The following MAML3 variants were observed in gnomAD, a reference collection of about 807,000 sequenced individuals.
MAML3 encodes the protein mastermind like transcriptional coactivator 3, also known as mastermind-like protein 3.
Under a neutral mutation model 101.9 loss-of-function variants are expected in MAML3, and 27 were observed. The observed-to-expected ratio is 0.27, with a 90% confidence interval of 0.20 to 0.37. The LOEUF (loss-of-function observed/expected upper bound fraction) is 0.37, where lower values mean the gene tolerates loss of function less well. Among genes scored for constraint, MAML3 ranks in the 10% least tolerant of loss-of-function variants. The pLI, the probability that MAML3 is intolerant of heterozygous loss-of-function variation, is 1.00. For missense variants in MAML3, 1,316 were observed against 1,444.9 expected (o/e 0.91, Z 1.45); for synonymous variants, 501 against 555.9 (o/e 0.90, Z 1.39).
At chr4:139,820,155 A>G (rs1730951106) in intron 2 of MAML3, among the ~76,000 whole-genome samples, 1 of 152,250 alleles carries the variant, frequency 6.6e-6, no homozygotes, top group Non-Finnish European at 1.5e-5. Context: ...AGGTTTGTCA[A>G]TTGACCAACC....
In MAML3 at chr4:139,771,966, G is replaced by A. The variant is rs548421911; in HGVS notation, c.2080-41299C>T. Among the ~76,000 whole-genome samples the A allele has an allele frequency of 4.9e-3, 741 of 150,228 alleles. 4 individuals carry two copies. The highest frequency in any genetic ancestry group is 0.016 in the African/African-American group (665 of 40,952). ...AGTAAAAAAAAAAAAAAGTCCGGGC[G>A]CGGTGGCTCACGCCTGTAATCCCAG... On this transcript the variant is annotated intron_variant, in intron 2 of 4. Transcript: ENST00000509479.
chr4:139,998,843 C>T (rs1404059143), intron 1 of MAML3, among the ~76,000 whole-genome samples: 8 of 151,822 alleles, frequency 5.3e-5, no homozygotes, highest in Non-Finnish European at 1.2e-4. Context: ...AAAAAAAAAA[C>T]TCTTCTTTTC....
At chr4:140,119,718 C>T (rs1315636377) in intron 1 of MAML3, among the ~76,000 whole-genome samples, 3 of 151,576 alleles carry the variant, frequency 2.0e-5, no homozygotes, top group African/African-American at 7.3e-5. Flanking sequence ...AACTGCTGGG[C>T]TCAAGGGATC....
chr4:139,929,893 T>C (rs1733345431), intron 1 of MAML3, among the ~76,000 whole-genome samples: 1 of 152,194 alleles, frequency 6.6e-6, no homozygotes, highest in Non-Finnish European at 1.5e-5. Context: ...GGAAGGAGTT[T>C]GGAACTGCAG....
chr4:139,894,865 A>T (rs13133152), intron 1 of MAML3, among the ~76,000 whole-genome samples: 96,993 of 152,182 alleles, frequency 0.64, 34,396 homozygotes, highest in Non-Finnish European at 0.81. Flanking sequence ...CATAGCAGCA[A>T]GATCAAATAT....
At chr4:139,784,269 C>T (rs1310775340) in intron 2 of MAML3, among the ~76,000 whole-genome samples, 1 of 152,208 alleles carries the variant, frequency 6.6e-6, no homozygotes, top group African/African-American at 2.4e-5. Flanking sequence ...GACACACAGA[C>T]CCTCTCTTTC....
chr4:139,936,224 C>G (rs1733502603), intron 1 of MAML3, among the ~76,000 whole-genome samples: 1 of 152,144 alleles, frequency 6.6e-6, no homozygotes, highest in South Asian at 2.1e-4. Flanking sequence ...GAATAATATT[C>G]CATTGTTTAT....
intron 2 of MAML3, chr4:139,888,703 T>C: frequency 1.9e-6 from 1 of 517,194 alleles, no homozygotes; most frequent in African/African-American, 1.9e-5. Flanking sequence ...CCATCACATT[T>C]TCCTGAAATA....
intron 2 of MAML3, among the ~76,000 whole-genome samples, chr4:139,800,555 G>A (rs967149265): frequency 1.3e-5 from 2 of 152,170 alleles, no homozygotes; most frequent in East Asian, 1.9e-4. Context: ...TTCAAAAGAG[G>A]AGGAGAACAG....
chr4:139,958,417 T>A (rs957792437), intron 1 of MAML3, among the ~76,000 whole-genome samples: 12 of 152,204 alleles, frequency 7.9e-5, no homozygotes, highest in African/African-American at 2.7e-4. Context: ...GAGTTTCTAT[T>A]CTCAAGAATT....
intron 1 of MAML3, among the ~76,000 whole-genome samples, chr4:140,012,069 C>T (rs1578642255): frequency 6.6e-6 from 1 of 150,968 alleles, no homozygotes; most frequent in South Asian, 2.1e-4. Context: ...AATGCCTCTT[C>T]AATCAGCCAT....
chr4:140,146,395 T>G (rs143570173), intron 1 of MAML3, among the ~76,000 whole-genome samples: 1 of 152,198 alleles, frequency 6.6e-6, no homozygotes, highest in Non-Finnish European at 1.5e-5. Context: ...TCTGATCCAC[T>G]GAATGGAACC....
chr4:139,791,502 C>CAAAAAAAAA (rs534133306), intron 2 of MAML3, among the ~76,000 whole-genome samples: 2 of 95,094 alleles, frequency 2.1e-5, no homozygotes, highest in African/African-American at 9.3e-5. Flanking sequence ...GACTCCATCT[C>CAAAAAAAAA]AAAAAAAAAA....
intron 1 of MAML3, among the ~76,000 whole-genome samples, chr4:139,959,251 A>G (rs1369475012): frequency 6.6e-6 from 1 of 152,210 alleles, no homozygotes; most frequent in African/African-American, 2.4e-5. Context: ...AGTTCTTGAC[A>G]TCTACCTGTA....
rs1325982566 is a variant in MAML3 at position 140,038,641 on chromosome 4, T to C, written c.468+114219A>G. On this transcript the variant is annotated intron_variant, in intron 1 of 4. Coordinates refer to ENST00000509479, the MANE Select transcript of MAML3 (RefSeq NM_018717.5). ...GACTTTGGACAAGTACTGAATGCCC[T>C]GTACCTCAGCTTCCCCATCTGTAAA... 3.9e-5 allele frequency among the ~76,000 whole-genome samples: 6 copies of C among 152,218 alleles called. No individual in the cohort carries two copies. In the East Asian group the frequency reaches 1.2e-3, roughly 29 times the overall value.
At chr4:140,028,896 A>G (rs577395996) in intron 1 of MAML3, among the ~76,000 whole-genome samples, 29 of 152,344 alleles carry the variant, frequency 1.9e-4, no homozygotes, top group Admixed American at 9.1e-4. Context: ...AGAGTCCTAT[A>G]GACAGACTTG....
intron 1 of MAML3, among the ~76,000 whole-genome samples, chr4:140,017,632 T>C (rs1475620428): frequency 2.0e-5 from 3 of 151,950 alleles, no homozygotes; most frequent in Non-Finnish European, 2.9e-5. Flanking sequence ...GAATGAACTA[T>C]TGATACACAC....
Position 139,718,332 on chromosome 4 carries a change from C to T in MAML3, c.*991G>A, listed in dbSNP as rs1487453911. ...TTCCTGCATTTATGTGGACTCTGCC[C>T]AAGGCTCCCTAAAGACATAAGCTTC... On this transcript the variant is annotated 3_prime_UTR_variant, in exon 5 of 5. Transcript: ENST00000509479. 6.6e-6 allele frequency: 1 copy of T among 152,168 alleles called. No individual in the cohort carries two copies. The highest frequency in any genetic ancestry group is 2.4e-5 in the African/African-American group (1 of 41,414). The allele number at this position is 152,168 out of a possible 1,614,324, so 9.4% of individuals were successfully genotyped here.
chr4:139,771,228 C>T (rs1003761424), intron 2 of MAML3, among the ~76,000 whole-genome samples: 16 of 152,152 alleles, frequency 1.1e-4, no homozygotes, highest in Non-Finnish European at 2.4e-4. Flanking sequence ...TTTGGGCAGC[C>T]ATTGTATAGA....
Sources: gnomAD v4.1 joint callset for allele counts (sites outside exome capture counted in the v4.1 genomes callset) on GRCh38, gnomAD v4.1.1 for gene constraint, MANE v1.5 for transcripts, NCBI Gene and HGNC (gene_info 2026-07-23, HGNC 2026-07-21) for gene names.